The following RAD54L2 variants were observed in gnomAD, a reference collection of about 807,000 sequenced individuals.
RAD54L2 encodes the protein helicase ARIP4.
A neutral mutation model predicts 138.4 loss-of-function variants in RAD54L2; 27 were observed. The observed-to-expected ratio is 0.20, with a 90% CI of 0.14 to 0.27. The LOEUF (loss-of-function observed/expected upper bound fraction) is 0.27. Among genes scored for constraint, RAD54L2 ranks in the 10% least tolerant of loss-of-function variants. The probability of loss-of-function intolerance (pLI) is 1.00; values close to 1 mark genes in which losing one functional copy is unlikely to be tolerated. For synonymous variants in RAD54L2, 644 were observed against 723.2 expected, an observed-to-expected ratio of 0.89 and a Z score of 1.76; for missense variants, 1,396 against 1,890.2, an observed-to-expected ratio of 0.74 and a Z score of 4.85.
At chr3:51,659,539 G>T (rs1276911640) in intron 21 of RAD54L2, among the ~76,000 whole-genome samples, 3 of 152,236 alleles carry the variant, frequency 2.0e-5, no homozygotes, top group African/African-American at 7.2e-5. Context: ...GGAATAGAAT[G>T]CAGGTCTTTC....
chr3:51,608,047 A>G (rs889804113), intron 3 of RAD54L2, among the ~76,000 whole-genome samples: 2 of 151,144 alleles, frequency 1.3e-5, no homozygotes, highest in Non-Finnish European at 3.0e-5. Context: ...GCTGCCGGGC[A>G]GAGGGGCTCC....
Position 51,645,821 on chromosome 3 carries a change from T to G in RAD54L2, c.2829+58T>G. 1.3e-6 allele frequency: 2 copies of G among 1,502,890 alleles called. No individual in the cohort carries two copies. The highest frequency in any genetic ancestry group is 1.8e-6 in the Non-Finnish European group (2 of 1,120,696). 93.1% of individuals were successfully genotyped at this position (1,502,890 alleles called of 1,614,324 possible). The stretch of plus-strand genomic sequence containing the variant: ...TGGCAGTCTCTCTGTCAAAGGAGGC[T>G]TGTCTTGTAAGCTTTTTTCTTCATC... On this transcript the variant is annotated intron_variant, in intron 18 of 22. Coordinates refer to ENST00000684192, the MANE Select transcript of RAD54L2 (RefSeq NM_015106.4). The surrounding 1 kb of genome is among the most constrained non-coding windows in gnomAD (Gnocchi z 6.1).
chr3:51,592,058 T>G (rs1283708951), intron 3 of RAD54L2, among the ~76,000 whole-genome samples: 1 of 112,474 alleles, frequency 8.9e-6, no homozygotes, highest in Non-Finnish European at 1.9e-5. Flanking sequence ...TTTGGTGTTT[T>G]TTTTTTTTTT....
At position 51,663,591 on chromosome 3, in the gene RAD54L2, AGGC is replaced by A; in HGVS notation, c.*172_*174del. 5.3e-6 allele frequency: 1 copy of A among 189,264 alleles called. No individual in the cohort carries two copies. Among genetic ancestry groups the A allele is most frequent in the Non-Finnish European group, 9.3e-6 (1 of 107,092 alleles). 11.7% of individuals were successfully genotyped at this position (189,264 alleles called of 1,614,324 possible). ...GAGCTCTGTTGCTGTTTAACAAAAG[AGGC>A]AAAAAAAAAAAAAAAAAAAAAAAAG... On this transcript the variant is annotated 3_prime_UTR_variant, in exon 23 of 23. Transcript: ENST00000684192.
chr3:51,603,142 CAAAA>C (rs56410629), intron 3 of RAD54L2, among the ~76,000 whole-genome samples: 3 of 91,550 alleles, frequency 3.3e-5, no homozygotes, highest in African/African-American at 4.3e-5. Flanking sequence ...ATTACTACTA[CAAAA>C]AAAAAAAAAA....
chr3:51,660,621 G>T (rs1559658989), intron 22 of RAD54L2, among the ~76,000 whole-genome samples: 2 of 127,488 alleles, frequency 1.6e-5, no homozygotes, highest in Non-Finnish European at 3.4e-5. Context: ...TTTTTGTTTT[G>T]TTTTTTTTGT....
intron 3 of RAD54L2, among the ~76,000 whole-genome samples, chr3:51,600,668 A>G (rs547335636): frequency 1.3e-4 from 20 of 152,128 alleles, no homozygotes; most frequent in Admixed American, 5.9e-4. Flanking sequence ...TAATGAAACT[A>G]TTTGAAACTA....
At chr3:51,540,984 T>C (rs1553671204) in intron 1 of RAD54L2, among the ~76,000 whole-genome samples, 1 of 134,392 alleles carries the variant, frequency 7.4e-6, no homozygotes, top group African/African-American at 2.9e-5. Context: ...GAGGTTACAA[T>C]GAGCCGAGAT....
chr3:51,541,104 G>A lies in RAD54L2; in HGVS notation c.-116-485G>A, dbSNP rs1409394878. The A allele has an allele frequency of 2.7e-5, 4 of 147,416 alleles. No individual in the cohort carries two copies. The East Asian group carries it at 8.0e-4, about 30-fold the overall frequency. 9.1% of individuals were successfully genotyped at this position (147,416 alleles called of 1,614,324 possible). On this transcript the variant is annotated intron_variant, in intron 1 of 22. Transcript: ENST00000684192. The stretch of plus-strand genomic sequence containing the variant: ...TTTCTCCATTCATTCTTTCATAAAC[G>A]AACATTTATTGCATTTTGCCAGGCA...
intron 2 of RAD54L2, among the ~76,000 whole-genome samples, chr3:51,575,224 G>C (rs1216596631): frequency 6.6e-6 from 1 of 151,224 alleles, no homozygotes; most frequent in Non-Finnish European, 1.5e-5. Flanking sequence ...TTTTGGTACG[G>C]GTACCATGCT....
In RAD54L2 at chr3:51,664,367, T is replaced by C. The variant is rs1342150412; in HGVS notation, c.*947T>C. 1 of 152,226 alleles carries C rather than the reference T, an allele frequency of 6.6e-6. No individual in the cohort carries two copies. Among genetic ancestry groups the C allele is most frequent in the African/African-American group, 2.4e-5 (1 of 41,454 alleles). 9.4% of individuals were successfully genotyped at this position (152,226 alleles called of 1,614,324 possible). On this transcript the variant is annotated 3_prime_UTR_variant, in exon 23 of 23. Coordinates refer to ENST00000684192, the MANE Select transcript of RAD54L2 (RefSeq NM_015106.4). ...AGGGAGAAGCACTGCAGTACGTGAA[T>C]GAAAGGTCGCAGAGTTGTGGCTGGA...
intron 15 of RAD54L2, among the ~76,000 whole-genome samples, chr3:51,643,470 C>T (rs146472531): frequency 1.4e-3 from 206 of 152,330 alleles, no homozygotes; most frequent in African/African-American, 4.5e-3. Flanking sequence ...AATGCAGATT[C>T]CTGGTGGAGG....
rs1701043735 is a variant in RAD54L2 at position 51,638,401 on chromosome 3, C to A, written c.1860+80C>A. On this transcript the variant is annotated intron_variant, in intron 12 of 22. Coordinates refer to ENST00000684192, the MANE Select transcript of RAD54L2 (RefSeq NM_015106.4). The surrounding 1 kb of genome is among the most constrained non-coding windows in gnomAD (Gnocchi z 4.3). ...CAAGGGAGTTACTCCTACTGAGAGT[C>A]TTCAATAAAGGGAGAATAAAGTGAG... The A allele has an allele frequency of 6.5e-7, 1 of 1,528,674 alleles. No individual in the cohort carries two copies. Among genetic ancestry groups the A allele is most frequent in the African/African-American group, 1.4e-5 (1 of 73,216 alleles). 94.7% of individuals were successfully genotyped at this position (1,528,674 alleles called of 1,614,324 possible). A position where few individuals can be genotyped will look rare whatever the true frequency, so the allele number is the denominator to read the frequency against.
chr3:51,601,099 G>T (rs1353933885), intron 3 of RAD54L2, among the ~76,000 whole-genome samples: 8 of 152,236 alleles, frequency 5.3e-5, no homozygotes, highest in Admixed American at 3.9e-4. Context: ...TGGAATAGAA[G>T]AACTGAAATT....
At chr3:51,551,759 C>CT (rs1178998634) in intron 2 of RAD54L2, among the ~76,000 whole-genome samples, 168 of 139,332 alleles carry the variant, frequency 1.2e-3, no homozygotes, top group African/African-American at 3.0e-3. Context: ...CTTTTTCTTT[C>CT]TTTTTTTTTT....
intron 3 of RAD54L2, among the ~76,000 whole-genome samples, chr3:51,597,165 CAAAAAAAA>C (rs145812228): frequency 1.0e-4 from 5 of 49,270 alleles, no homozygotes; most frequent in African/African-American, 1.5e-4. Flanking sequence ...GACTTCATTT[CAAAAAAAA>C]AAAAAAAAAA....
chr3:51,569,200 T>TG (rs1471434987), intron 2 of RAD54L2, among the ~76,000 whole-genome samples: 1 of 152,166 alleles, frequency 6.6e-6, no homozygotes, highest in Admixed American at 6.6e-5. Context: ...CCACTGGTCT[T>TG]CCTAATTATT....
At chr3:51,556,633 G>A (rs367862614) in intron 2 of RAD54L2, among the ~76,000 whole-genome samples, 27 of 152,030 alleles carry the variant, frequency 1.8e-4, no homozygotes, top group African/African-American at 6.0e-4. Flanking sequence ...CTAGAGTGCA[G>A]TGGCATGATC....
intron 3 of RAD54L2, among the ~76,000 whole-genome samples, chr3:51,605,033 CT>C (rs1252437478): frequency 2.0e-5 from 3 of 151,534 alleles, no homozygotes; most frequent in Non-Finnish European, 4.4e-5. Context: ...GTGATTCTTC[CT>C]GCCTCAGCCT....
Sources: gnomAD v4.1 joint callset for allele counts (sites outside exome capture counted in the v4.1 genomes callset) on GRCh38, gnomAD v4.1.1 for gene constraint, Gnocchi (gnomAD v3.1) non-coding constraint, MANE v1.5 for transcripts, NCBI Gene and HGNC (gene_info 2026-07-23, HGNC 2026-07-21) for gene names.